APBA3: variants seen among roughly 807,000 people sequenced by gnomAD.
APBA3 encodes amyloid-beta A4 precursor protein-binding family A member 3.
APBA3 carries 45 observed loss-of-function variants against 55.9 expected under a neutral mutation model. That is an observed-to-expected ratio of 0.80 (90% CI 0.63 to 1.03). APBA3 has a LOEUF of 1.03. Among genes scored for constraint, APBA3 ranks in the 50% least tolerant of loss-of-function variants. The pLI, the probability that APBA3 is intolerant of heterozygous loss-of-function variation, is 0.00. For missense variants in APBA3, 865 were observed against 820.3 expected (o/e 1.05, Z -0.67); for synonymous variants, 370 against 353.3 (o/e 1.05, Z -0.53).
At position 3,759,991 on chromosome 19, in the gene APBA3, C is replaced by G; in HGVS notation, c.274G>C (p.Ala92Pro). 2 of 1,610,692 alleles carry G rather than the reference C, an allele frequency of 1.2e-6. No individual in the cohort carries two copies. The highest frequency in any genetic ancestry group is 1.7e-6 in the Non-Finnish European group (2 of 1,179,226). The change falls in exon 2 of 11, where the codon GCC (alanine) becomes CCC (proline). Residue 92 changes from alanine (A) to proline (P), a missense_variant. Ala to Pro is a conservative substitution (Grantham distance 27). Coordinates refer to ENST00000316757, the MANE Select transcript of APBA3 (RefSeq NM_004886.4). ...TGGGCATCAGCAATCTCCTGGGAGGCCAGGCCATGGCCTGTGGCAATGTGT... is the reference window on the plus strand; with the variant it reads ...TGGGCATCAGCAATCTCCTGGGAGGGCAGGCCATGGCCTGTGGCAATGTGT... The part of the protein sequence containing the change: ...PLHIATGHGL[A>P]SQEIADAHGL...
At chr19:3,758,497 G>A (rs1318807049) in intron 3 of APBA3, among the ~76,000 whole-genome samples, 3 of 152,136 alleles carry the variant, frequency 2.0e-5, no homozygotes, top group East Asian at 1.9e-4. Context: ...CGGCTCAAGC[G>A]ATCCTCCTGC....
In APBA3 at chr19:3,758,732, G is replaced by A. The variant is rs576604900; in HGVS notation, c.616+829C>T. On this transcript the variant is annotated intron_variant, in intron 3 of 10. Coordinates refer to ENST00000316757, the MANE Select transcript of APBA3 (RefSeq NM_004886.4). Reference sequence around the variant, plus strand: ...ATCTCTACTAAAAATACAAAAATTAGCTGGGCGTGGTGGCGAGCACCTGTA... The same window carrying A: ...ATCTCTACTAAAAATACAAAAATTAACTGGGCGTGGTGGCGAGCACCTGTA... Among the ~76,000 whole-genome samples the A allele has an allele frequency of 5.9e-5, 9 of 152,034 alleles. No homozygotes were observed. The South Asian group carries it at 1.7e-3, about 28-fold the overall frequency.
intron 3 of APBA3, among the ~76,000 whole-genome samples, chr19:3,756,831 T>C (rs1223419470): frequency 6.6e-6 from 1 of 152,242 alleles, no homozygotes; most frequent in African/African-American, 2.4e-5. Flanking sequence ...TGTAGTTCCA[T>C]CTAGAACTTT....
At chr19:3,752,395 T>C in intron 8 of APBA3, 113 bp downstream of exon 8, 1 of 1,026,284 alleles carries the variant, frequency 9.7e-7, no homozygotes, top group Non-Finnish European at 1.4e-6. Flanking sequence ...ACTTAAAAGT[T>C]CGACTTTGTC....
Position 3,759,726 on chromosome 19 carries a change from G to C in APBA3, c.539C>G (p.Pro180Arg). 1 of 1,612,732 alleles carries C rather than the reference G, an allele frequency of 6.2e-7. No individual in the cohort carries two copies. Among genetic ancestry groups the C allele is most frequent in the Non-Finnish European group, 8.5e-7 (1 of 1,179,846 alleles). Reference protein sequence around the residue: ...SSPEPWLETVPLVTPEEPPAG... With the variant: ...SSPEPWLETVRLVTPEEPPAG... ...GGGTGGCTCTTCAGGTGTGACTAGA[G>C]GCACCGTCTCCAGCCAGGGTTCCGG... Residue 180 changes from proline (P) to arginine (R), a missense_variant, in exon 2 of 11, where the codon CCT becomes CGT. By Grantham distance (103) the Pro-to-Arg change is moderately radical. Coordinates refer to ENST00000316757, the MANE Select transcript of APBA3 (RefSeq NM_004886.4).
chr19:3,752,380 G>T, intron 8 of APBA3, 128 bp downstream of exon 8: 1 of 844,770 alleles, frequency 1.2e-6, no homozygotes, highest in Non-Finnish European at 1.8e-6. Flanking sequence ...ACACCAGTGG[G>T]CAGGACTTAA....
intron 8 of APBA3, among the ~76,000 whole-genome samples, 156 bp downstream of exon 8, chr19:3,752,352 C>T (rs1157510074): frequency 1.3e-5 from 2 of 152,150 alleles, no homozygotes; most frequent in Admixed American, 6.5e-5. Context: ...TTCTCCAGGC[C>T]TCAGTTTCCC....
chr19:3,753,172 G>A (rs1027602420), intron 6 of APBA3, 182 bp from the exon 7 acceptor site: 5 of 694,892 alleles, frequency 7.2e-6, no homozygotes, highest in African/African-American at 5.4e-5. Flanking sequence ...GGGAATCTAC[G>A]GGGAGAAGGA....
Position 3,751,040 on chromosome 19 carries a change from G to C in APBA3, c.1714C>G (p.Pro572Ala). 1 of 1,561,660 alleles carries C rather than the reference G, an allele frequency of 6.4e-7. No homozygotes were observed. Among genetic ancestry groups the C allele is most frequent in the Non-Finnish European group, 8.7e-7 (1 of 1,152,686 alleles). ...GGATGAGGTGGTCACAGGTACACGG[G>C]CTGCTCCTGGCCTGTAAGGAGGCGA... is the stretch of plus-strand genomic sequence containing the variant. ...TYRLLTGQEQ[P>A]VYL The change falls in exon 11 of 11, where the codon CCC becomes GCC. Residue 572 changes from proline to alanine, a missense_variant. Coordinates refer to ENST00000316757, the MANE Select transcript of APBA3 (RefSeq NM_004886.4).
chr19:3,754,497 C>A, intron 3 of APBA3, 157 bp from the exon 4 acceptor site: 1 of 998,682 alleles, frequency 1.0e-6, no homozygotes, highest in Non-Finnish European at 1.4e-6. Context: ...CTAGAACCAT[C>A]CAAGCAGCCT....
intron 4 of APBA3, 45 bp from the exon 5 acceptor site, chr19:3,754,150 C>G: frequency 6.4e-7 from 1 of 1,552,994 alleles, no homozygotes; most frequent in South Asian, 1.2e-5. Context: ...CAGACCCAGC[C>G]TGCAGCCCAC....
rs368548425 is a variant in APBA3 at position 3,751,396 on chromosome 19, C to T, written c.1515+38G>A. 5.7e-5 allele frequency: 87 copies of T among 1,515,066 alleles called. No individual in the cohort carries two copies. The African/African-American group carries it at 1.1e-3, about 20-fold the overall frequency. 93.9% of individuals were successfully genotyped at this position (1,515,066 alleles called of 1,614,324 possible). On this transcript the variant is annotated intron_variant, in intron 9 of 10. Transcript: ENST00000316757. ...CTCAGGGGCCGTGCTCAGGGCCGCC[C>T]TACCCCCCCACCCCGGGGCCAGGGG...
rs748080447 is a variant in APBA3, at chr19:3,753,796, T to C, written c.980A>G (p.Lys327Arg). ...CGCGTAGAATACGTGGCAGAGCATC[T>C]TGTAGAGGCGGCGGCCGTGGTCCTG... ...APQDHGRRLY[K>R]MLCHVFYAED... Residue 327 changes from lysine to arginine, a missense_variant, in exon 6 of 11, where the codon AAG (lysine) becomes AGG (arginine). Lys to Arg is a conservative substitution (Grantham distance 26). Transcript: ENST00000316757. 4.5e-6 allele frequency: 7 copies of C among 1,572,092 alleles called. No homozygotes were observed.
rs561702584 is a variant in APBA3 at position 3,753,812 on chromosome 19, C to T, written c.964G>A (p.Gly322Ser). Reference sequence around the variant, plus strand: ...CAGAGCATCTTGTAGAGGCGGCGGCCGTGGTCCTGGGGTGCCGGCCTCCGT... The same window carrying T: ...CAGAGCATCTTGTAGAGGCGGCGGCTGTGGTCCTGGGGTGCCGGCCTCCGT... ...LARRPAPQDH[G>S]RRLYKMLCHV... The change falls in exon 6 of 11, where the codon GGC becomes AGC. Residue 322 changes from glycine (G) to serine (S), a missense_variant. Transcript: ENST00000316757. 55 of 1,573,476 alleles carry T rather than the reference C, an allele frequency of 3.5e-5. No homozygotes were observed. The highest frequency in any genetic ancestry group is 3.1e-4 in the African/African-American group (23 of 74,284).
rs2037130471 is a variant in APBA3 at position 3,760,333 on chromosome 19, G to A, written c.-37-32C>T. 14 of 1,426,150 alleles carry A rather than the reference G, an allele frequency of 9.8e-6. No homozygotes were observed. The South Asian group carries it at 1.3e-4, about 13-fold the overall frequency. The allele number at this position is 1,426,150 out of a possible 1,614,324, so 88.3% of individuals were successfully genotyped here. ...GAGAGAGAGTCAGCACTGAGGTTTC[G>A]CCCGGGTGCAGTGGCTCATGCCTGT... On this transcript the variant is annotated intron_variant, in intron 1 of 10. Coordinates refer to ENST00000316757, the MANE Select transcript of APBA3 (RefSeq NM_004886.4).
Position 3,752,518 on chromosome 19 carries a change from G to A in APBA3, c.1385C>T (p.Ala462Val). 6.3e-7 allele frequency: 1 copy of A among 1,577,404 alleles called. No individual in the cohort carries two copies. The highest frequency in any genetic ancestry group is 1.2e-5 in the South Asian group (1 of 86,950). The change falls in exon 8 of 11, where the codon GCC (alanine) becomes GTC (valine). Residue 462 changes from alanine to valine, a missense_variant. By Grantham distance (64) the Ala-to-Val change is moderately conservative. Coordinates refer to ENST00000316757, the MANE Select transcript of APBA3 (RefSeq NM_004886.4). The stretch of plus-strand genomic sequence containing the variant: ...CACCAGGAAACTCACGCGGACAGCG[G>A]CCTGGCACGCAGCCAGGGGCAGCCC... ...LVGLPLAACQAAVRETKSQTS... is the reference protein window; with the variant it reads ...LVGLPLAACQVAVRETKSQTS...
chr19:3,751,715 C>G, intron 8 of APBA3, 162 bp from the exon 9 acceptor site: 1 of 842,804 alleles, frequency 1.2e-6, no homozygotes. Context: ...GACTCGGGCC[C>G]GGTGGGCATG....
chr19:3,753,678 G>A (rs1268955377), intron 6 of APBA3, 87 bp downstream of exon 6: 3 of 1,252,038 alleles, frequency 2.4e-6, no homozygotes, highest in Non-Finnish European at 3.2e-6. Context: ...CTTATGGGAG[G>A]GAGGTTAAAT....
At chr19:3,755,986 C>G (rs1253219419) in intron 3 of APBA3, 1 of 152,086 alleles carries the variant, frequency 6.6e-6, no homozygotes, top group African/African-American at 2.4e-5. Context: ...TCACCCTACA[C>G]CACAGTCGGT....
Sources: allele counts gnomAD v4.1 joint callset (sites outside exome capture counted in the v4.1 genomes callset), GRCh38; gene constraint gnomAD v4.1.1; transcripts MANE v1.5; gene names NCBI Gene and HGNC (gene_info 2026-07-23, HGNC 2026-07-21).